The following NSMCE2 variants were observed in gnomAD, a reference collection of about 807,000 sequenced individuals.
The protein encoded by NSMCE2 is E3 SUMO-protein ligase NSE2.
In NSMCE2, 24 loss-of-function variants were observed where a neutral mutation model predicts 23.8. The observed-to-expected ratio is 1.01, with a 90% CI of 0.73 to 1.42. The LOEUF is 1.42. Ranked by LOEUF, NSMCE2 falls within the 40% of genes most tolerant of loss-of-function variation. The pLI is 0.00. For missense variants in NSMCE2, 284 were observed against 296.5 expected (o/e 0.96, Z 0.31); for synonymous variants, 92 against 94.1 (o/e 0.98, Z 0.13).
chr8:125,295,374 T>C (rs1464767668), intron 5 of NSMCE2, among the ~76,000 whole-genome samples: 1 of 152,112 alleles, frequency 6.6e-6, no homozygotes, highest in African/African-American at 2.4e-5. Context: ...AAAGGGCCAT[T>C]TGATAATAAA....
intron 4 of NSMCE2, 191 bp downstream of exon 4, chr8:125,151,468 G>T (rs1586521692): frequency 2.5e-6 from 1 of 401,766 alleles, no homozygotes; most frequent in South Asian, 8.1e-5. Flanking sequence ...AGGCCACTTA[G>T]GTTGATTAAC....
At chr8:125,120,458 GACTT>G (rs1819212450) in intron 3 of NSMCE2, among the ~76,000 whole-genome samples, 1 of 152,176 alleles carries the variant, frequency 6.6e-6, no homozygotes, top group Non-Finnish European at 1.5e-5. Flanking sequence ...AGCCTAAAAT[GACTT>G]ACTTCTGAGG....
At chr8:125,191,609 T>A (rs1429329111) in intron 5 of NSMCE2, among the ~76,000 whole-genome samples, 1 of 152,212 alleles carries the variant, frequency 6.6e-6, no homozygotes. Context: ...GCAGTTCTTC[T>A]TTTCCAGATC....
At chr8:125,352,228 C>G (rs1419674410) in intron 5 of NSMCE2, among the ~76,000 whole-genome samples, 2 of 152,204 alleles carry the variant, frequency 1.3e-5, no homozygotes, top group African/African-American at 4.8e-5. Context: ...CGCCTGTAAT[C>G]CCAGCACTTT....
At chr8:125,212,468 A>C (rs1204698779) in intron 5 of NSMCE2, among the ~76,000 whole-genome samples, 1 of 152,118 alleles carries the variant, frequency 6.6e-6, no homozygotes, top group Non-Finnish European at 1.5e-5. Flanking sequence ...TGGCCAGACT[A>C]TTGTGGGAGC....
At position 125,177,069 on chromosome 8, in the gene NSMCE2, C is replaced by T. The variant is rs150818912; in HGVS notation, c.265-5034C>T. ...AAATGAAATTTGTTACTTGCTTTCT[C>T]TTAATAGTTTTCTATGTATGTTTCT... On this transcript the variant is annotated intron_variant, in intron 4 of 7. Coordinates refer to ENST00000287437, the MANE Select transcript of NSMCE2 (RefSeq NM_173685.4). Among the ~76,000 whole-genome samples the T allele has an allele frequency of 6.0e-4, 92 of 152,360 alleles. 1 individual carries two copies. Among genetic ancestry groups the T allele is most frequent in the African/African-American group, 2.1e-3 (89 of 41,588 alleles).
At chr8:125,283,112 T>A (rs967861073) in intron 5 of NSMCE2, among the ~76,000 whole-genome samples, 1 of 152,214 alleles carries the variant, frequency 6.6e-6, no homozygotes, top group African/African-American at 2.4e-5. Context: ...AATATCTACA[T>A]CATAGAGTTA....
chr8:125,168,042 C>T (rs979847065), intron 4 of NSMCE2, among the ~76,000 whole-genome samples: 1 of 152,154 alleles, frequency 6.6e-6, no homozygotes, highest in Non-Finnish European at 1.5e-5. Flanking sequence ...ATAAACATTA[C>T]CTGGCTTATC....
intron 5 of NSMCE2, among the ~76,000 whole-genome samples, chr8:125,264,572 A>C (rs894413784): frequency 6.6e-6 from 1 of 152,082 alleles, no homozygotes; most frequent in Non-Finnish European, 1.5e-5. Context: ...ACGCCCTGCT[A>C]ATTTTTGTAT....
chr8:125,106,570 C>G (rs566807819), intron 3 of NSMCE2, among the ~76,000 whole-genome samples: 1 of 151,828 alleles, frequency 6.6e-6, no homozygotes, highest in Admixed American at 6.6e-5. Context: ...CCGAGCTACT[C>G]AGGACTCAGG....
chr8:125,261,250 C>T (rs1456572963), intron 5 of NSMCE2, among the ~76,000 whole-genome samples: 1 of 152,138 alleles, frequency 6.6e-6, no homozygotes, highest in East Asian at 1.9e-4. Flanking sequence ...AAGCTAATCC[C>T]CTGCTGTGTT....
At chr8:125,201,994 G>C (rs1350469234) in intron 5 of NSMCE2, among the ~76,000 whole-genome samples, 1 of 152,254 alleles carries the variant, frequency 6.6e-6, no homozygotes, top group Non-Finnish European at 1.5e-5. Flanking sequence ...AGTGAGCAAG[G>C]CTCCGTCGGC....
At chr8:125,357,177 C>A (rs374119758) in intron 5 of NSMCE2, 42 bp from the exon 6 acceptor site, 1 of 1,284,208 alleles carries the variant, frequency 7.8e-7, no homozygotes, top group South Asian at 1.2e-5. Context: ...TTTTCTTTGA[C>A]GTTAGACCAG....
rs76344276 is a variant in NSMCE2 at position 125,150,121 on chromosome 8, C to T, written c.158-1050C>T. Among the ~76,000 whole-genome samples, 1,240 of 152,138 alleles carry T rather than the reference C, an allele frequency of 8.2e-3. 9 individuals are homozygous for T. The highest frequency in any genetic ancestry group is 0.015 in the Non-Finnish European group (989 of 68,002). ...GCCTTATGGCCAGTTTTTCTGAAAA[C>T]AAGTTTGTTTTCTCTTCCCTTTTCC... On this transcript the variant is annotated intron_variant, in intron 3 of 7. Coordinates refer to ENST00000287437, the MANE Select transcript of NSMCE2 (RefSeq NM_173685.4).
At chr8:125,304,420 C>T (rs902248770) in intron 5 of NSMCE2, among the ~76,000 whole-genome samples, 2 of 152,040 alleles carry the variant, frequency 1.3e-5, no homozygotes, top group Non-Finnish European at 2.9e-5. Flanking sequence ...GACTTCAGTG[C>T]CCCGTGATGT....
At chr8:125,358,472 A>G (rs1813382806) in intron 7 of NSMCE2, among the ~76,000 whole-genome samples, 1 of 150,334 alleles carries the variant, frequency 6.7e-6, no homozygotes, top group African/African-American at 2.4e-5. Flanking sequence ...TGTATATCAT[A>G]TATTATTTAT....
intron 4 of NSMCE2, among the ~76,000 whole-genome samples, chr8:125,174,810 T>C (rs1291902906): frequency 6.6e-6 from 1 of 152,188 alleles, no homozygotes; most frequent in Non-Finnish European, 1.5e-5. Context: ...AACAAGGAAG[T>C]ATTCTCTCTT....
At chr8:125,273,439 TA>T (rs1363215209) in intron 5 of NSMCE2, among the ~76,000 whole-genome samples, 1 of 152,278 alleles carries the variant, frequency 6.6e-6, no homozygotes, top group Non-Finnish European at 1.5e-5. Context: ...GATCTCACAG[TA>T]ATTAGCTAAG....
At chr8:125,132,650 C>T (rs1278060740) in intron 3 of NSMCE2, among the ~76,000 whole-genome samples, 2 of 152,040 alleles carry the variant, frequency 1.3e-5, no homozygotes, top group Non-Finnish European at 2.9e-5. Flanking sequence ...CACGCTACCA[C>T]ACTCGGGTCA....
Sources: allele counts gnomAD v4.1 joint callset (sites outside exome capture counted in the v4.1 genomes callset), GRCh38; gene constraint gnomAD v4.1.1; transcripts MANE v1.5; gene names NCBI Gene and HGNC (gene_info 2026-07-23, HGNC 2026-07-21).